ANKDD1A: variants seen among roughly 807,000 people sequenced by gnomAD.
ANKDD1A encodes ankyrin repeat and death domain containing 1A, also known as ankyrin repeat and death domain-containing protein 1A.
ANKDD1A carries 59 observed loss-of-function variants against 63.5 expected under a neutral mutation model. That is an observed-to-expected ratio of 0.93 (90% CI 0.75 to 1.15). The LOEUF is 1.15. Ranked by LOEUF, ANKDD1A falls within the 50% of genes most tolerant of loss-of-function variation. The pLI is 0.00. For synonymous variants in ANKDD1A, 266 were observed against 263.9 expected (o/e 1.01, Z -0.08); for missense variants, 632 against 656.4 (o/e 0.96, Z 0.41).
At chr15:64,950,418 G>A in intron 14 of ANKDD1A, 2 of 985,374 alleles carry the variant, frequency 2.0e-6, no homozygotes, top group Non-Finnish European at 1.2e-6. Flanking sequence ...ACTTATTTGA[G>A]TATGCCAATC....
rs116210144 is a variant in ANKDD1A at position 64,921,823 on chromosome 15, C to T, written c.268-98C>T. On this transcript the variant is annotated intron_variant, in intron 3 of 14. Transcript: ENST00000319580. ...CCTGGATTAAGTGGCACTTATAGTT[C>T]CTTCTGGTTGTATGGTTTAGTCATA... 7.4e-4 allele frequency: 739 copies of T among 1,004,170 alleles called. 5 individuals carry two copies. In the African/African-American group the frequency reaches 0.011, roughly 15 times the overall value. 62.2% of individuals were successfully genotyped at this position (1,004,170 alleles called of 1,614,324 possible).
intron 14 of ANKDD1A, among the ~76,000 whole-genome samples, chr15:64,952,578 TTC>T (rs2085312939): frequency 6.1e-5 from 2 of 32,588 alleles, no homozygotes; most frequent in Non-Finnish European, 1.6e-4. Flanking sequence ...CTTCTTCTCC[TTC>T]TTTTCTTCTT....
chr15:64,914,223 T>TGATC (rs2084953499), intron 1 of ANKDD1A: 2 of 152,284 alleles, frequency 1.3e-5, no homozygotes, highest in African/African-American at 4.8e-5. Flanking sequence ...CCTGACCTCG[T>TGATC]GATCCATCCA....
intron 3 of ANKDD1A, among the ~76,000 whole-genome samples, chr15:64,921,045 A>G (rs990336849): frequency 1.8e-4 from 27 of 152,098 alleles, no homozygotes; most frequent in African/African-American, 6.3e-4. Flanking sequence ...ATCACAGCTC[A>G]CTGTAGCCTC....
At chr15:64,915,946 C>G in intron 2 of ANKDD1A, 46 bp downstream of exon 2, 1 of 1,564,254 alleles carries the variant, frequency 6.4e-7, no homozygotes. Flanking sequence ...GATAGTGTCA[C>G]GATAATGCCA....
At chr15:64,951,549 C>CTT (rs1555397391) in intron 14 of ANKDD1A, 17 of 3,162 alleles carry the variant, frequency 5.4e-3, no homozygotes, top group Non-Finnish European at 0.011. Flanking sequence ...CTTCTTTCTT[C>CTT]TCTTCTTTCT....
At chr15:64,936,504 A>G (rs2085133876) in intron 9 of ANKDD1A, among the ~76,000 whole-genome samples, 1 of 152,200 alleles carries the variant, frequency 6.6e-6, no homozygotes, top group Non-Finnish European at 1.5e-5. Flanking sequence ...TACCAAAAGT[A>G]ACTTGCTGGT....
intron 9 of ANKDD1A, among the ~76,000 whole-genome samples, chr15:64,935,485 A>AC (rs2085123303): frequency 6.6e-6 from 1 of 151,870 alleles, no homozygotes; most frequent in African/African-American, 2.4e-5. Context: ...ACCATCCTGG[A>AC]TAACATGGTG....
At chr15:64,929,951 G>C (rs1234123272) in intron 6 of ANKDD1A, among the ~76,000 whole-genome samples, 4 of 152,148 alleles carry the variant, frequency 2.6e-5, no homozygotes, top group African/African-American at 9.7e-5. Flanking sequence ...GCAGGGACAT[G>C]GATGAAGCCA....
intron 13 of ANKDD1A, among the ~76,000 whole-genome samples, chr15:64,948,353 A>G (rs2085240218): frequency 6.6e-6 from 1 of 152,238 alleles, no homozygotes; most frequent in Non-Finnish European, 1.5e-5. Context: ...CTCCAATTAG[A>G]TTAAAACTTT....
At chr15:64,954,806 TTCCTTG>T (rs2085398421) in intron 14 of ANKDD1A, among the ~76,000 whole-genome samples, 225 of 150,898 alleles carry the variant, frequency 1.5e-3, no homozygotes, top group African/African-American at 5.2e-3. Flanking sequence ...GTTGTTCTTC[TTCCTTG>T]TTCTTCTCCT....
intron 14 of ANKDD1A, among the ~76,000 whole-genome samples, chr15:64,953,675 T>TTTTC (rs2085355281): frequency 7.3e-5 from 3 of 41,286 alleles, no homozygotes; most frequent in African/African-American, 1.4e-4. Flanking sequence ...CTTCTCCTTC[T>TTTTC]TTTCTTCTCC....
intron 14 of ANKDD1A, among the ~76,000 whole-genome samples, chr15:64,952,499 T>TA (rs2140388352): frequency 1.0e-5 from 1 of 99,660 alleles, no homozygotes; most frequent in Admixed American, 1.2e-4. Flanking sequence ...GTCACCGTCT[T>TA]CTCCTTCTTC....
intron 6 of ANKDD1A, among the ~76,000 whole-genome samples, chr15:64,929,006 C>T (rs1037430552): frequency 4.6e-5 from 7 of 152,224 alleles, no homozygotes; most frequent in African/African-American, 1.4e-4. Context: ...CTGCTTCCTG[C>T]GTGTCTCTGA....
At chr15:64,949,555 C>T (rs935695821) in intron 13 of ANKDD1A, among the ~76,000 whole-genome samples, 1 of 152,182 alleles carries the variant, frequency 6.6e-6, no homozygotes, top group African/African-American at 2.4e-5. Flanking sequence ...AGAGTGACAC[C>T]AACAGAGTGC....
Position 64,912,013 on chromosome 15 carries a change from C to T in ANKDD1A, c.34+49C>T, listed in dbSNP as rs2084934932. ...GGGGGCGGGCCGAGGCCGAGAGGAC[C>T]CCCGCATCCGTTTGGGGAGTGCCAG... On this transcript the variant is annotated intron_variant, in intron 1 of 14. Coordinates refer to ENST00000319580, the MANE Select transcript of ANKDD1A (RefSeq NM_182703.6). 15 of 1,237,160 alleles carry T rather than the reference C, an allele frequency of 1.2e-5. No homozygotes were observed. In the South Asian group the frequency reaches 4.9e-4, roughly 40 times the overall value. The allele number at this position is 1,237,160 out of a possible 1,614,324, so 76.6% of individuals were successfully genotyped here. A position where few individuals can be genotyped will look rare whatever the true frequency, so the allele number is the denominator to read the frequency against.
At chr15:64,925,495 C>G (rs1232309839) in intron 4 of ANKDD1A, among the ~76,000 whole-genome samples, 1 of 152,160 alleles carries the variant, frequency 6.6e-6, no homozygotes, top group African/African-American at 2.4e-5. Context: ...CCACTTCCCT[C>G]TACTCCCTGC....
chr15:64,939,448 C>G (rs1012001048), intron 9 of ANKDD1A, among the ~76,000 whole-genome samples: 2 of 152,138 alleles, frequency 1.3e-5, no homozygotes, highest in African/African-American at 4.8e-5. Flanking sequence ...GAGACTGTCT[C>G]TACAAAAAAA....
chr15:64,954,659 TTTC>T lies in ANKDD1A; in HGVS notation c.1484-2438_1484-2436del, dbSNP rs1218961737. 5.9e-4 allele frequency among the ~76,000 whole-genome samples: 78 copies of T among 132,530 alleles called. 1 individual carries two copies. Among genetic ancestry groups the T allele is most frequent in the Non-Finnish European group, 8.1e-4 (46 of 56,510 alleles). 86.9% of individuals were successfully genotyped at this position (132,530 alleles called of 152,430 possible). ...TTCTTCTTCCTTCTTCTTCTCCTTC[TTTC>T]TTCTTGTCTCTTCTTCTTCTCTCCT... On this transcript the variant is annotated intron_variant, in intron 14 of 14. Coordinates refer to ENST00000319580, the MANE Select transcript of ANKDD1A (RefSeq NM_182703.6).
Sources: allele counts gnomAD v4.1 joint callset (sites outside exome capture counted in the v4.1 genomes callset), GRCh38; gene constraint gnomAD v4.1.1; transcripts MANE v1.5; gene names NCBI Gene and HGNC (gene_info 2026-07-23, HGNC 2026-07-21).